MTUS1: variants seen among roughly 807,000 people sequenced by gnomAD.
The protein encoded by MTUS1 is microtubule associated scaffold protein 1.
MTUS1 carries 109 observed loss-of-function variants against 120.8 expected under a neutral mutation model. The observed-to-expected ratio is 0.90, with a 90% confidence interval of 0.77 to 1.06. The LOEUF (loss-of-function observed/expected upper bound fraction) is 1.06. MTUS1 is among the 50% of genes least tolerant of loss of function. The probability of loss-of-function intolerance (pLI) is 0.00; values close to 1 mark genes in which losing one functional copy is unlikely to be tolerated. For synonymous variants in MTUS1, 737 were observed against 550.5 expected (o/e 1.34, Z -4.74); for missense variants, 2,210 against 1,486.3 (o/e 1.49, Z -8.01).
intron 8 of MTUS1, 130 bp from the exon 9 acceptor site, chr8:17,656,195 C>T (rs1391047819): frequency 2.5e-6 from 2 of 784,600 alleles, no homozygotes; most frequent in East Asian, 5.3e-5. Context: ...CTCTAGTGAC[C>T]ATGTCTTCAA....
intron 6 of MTUS1, among the ~76,000 whole-genome samples, chr8:17,701,550 G>A (rs1002581376): frequency 2.0e-5 from 3 of 151,902 alleles, no homozygotes; most frequent in East Asian, 1.9e-4. Context: ...TATGTTCATC[G>A]TAGAATTTTT....
At chr8:17,740,502 G>A (rs1445455750) in intron 3 of MTUS1, among the ~76,000 whole-genome samples, 2 of 152,164 alleles carry the variant, frequency 1.3e-5, no homozygotes, top group African/African-American at 2.4e-5. Flanking sequence ...GGATCACGGG[G>A]ATCTAAAAGC....
At chr8:17,708,308 T>C (rs554276290) in intron 6 of MTUS1, among the ~76,000 whole-genome samples, 8 of 152,310 alleles carry the variant, frequency 5.3e-5, no homozygotes, top group African/African-American at 1.9e-4. Flanking sequence ...TAGACACTTC[T>C]CCAAAGAAGA....
intron 3 of MTUS1, among the ~76,000 whole-genome samples, chr8:17,742,385 G>A (rs916301505): frequency 1.3e-5 from 2 of 150,274 alleles, no homozygotes; most frequent in African/African-American, 4.9e-5. Context: ...AAAGCACTGG[G>A]ATTTCAGGCA....
intron 8 of MTUS1, among the ~76,000 whole-genome samples, chr8:17,667,879 G>A (rs1055886908): frequency 2.0e-5 from 3 of 152,160 alleles, no homozygotes; most frequent in Admixed American, 6.5e-5. Context: ...TGTTAGGGAT[G>A]AGTAGGCACC....
intron 4 of MTUS1, among the ~76,000 whole-genome samples, chr8:17,716,941 A>C (rs1308266862): frequency 6.6e-6 from 1 of 152,164 alleles, no homozygotes; most frequent in African/African-American, 2.4e-5. Context: ...TTTATTACCA[A>C]CTATGATCCC....
chr8:17,737,054 C>T (rs542080324), intron 3 of MTUS1, among the ~76,000 whole-genome samples: 1 of 152,302 alleles, frequency 6.6e-6, no homozygotes, highest in African/African-American at 2.4e-5. Flanking sequence ...CCACATTCTC[C>T]TTCACACATA....
intron 6 of MTUS1, chr8:17,697,423 TG>T (rs757841210): frequency 6.2e-6 from 10 of 1,610,780 alleles, no homozygotes; most frequent in Non-Finnish European, 7.6e-6. Context: ...GCAATTTCCA[TG>T]GACTGTCACA....
rs61999336 is a variant in MTUS1, at chr8:17,654,646, C to A, written c.3129G>T (p.Ala1043=). The change falls in exon 10 of 15, where the codon GCG becomes GCT. Residue 1043 remains alanine (A), a synonymous_variant. Transcript: ENST00000693296. ...CAATTTCCAACTTAGAGGTTTCATGCGCAGCATTTAAGTTGTCAAACTGTA... is the reference window on the plus strand; with the variant it reads ...CAATTTCCAACTTAGAGGTTTCATGAGCAGCATTTAAGTTGTCAAACTGTA... ...LQEQFDNLNA[A]HETSKLEIEA... is the part of the protein sequence containing the mutation. The A allele has an allele frequency of 5.1e-4, 828 of 1,613,612 alleles. No homozygotes were observed. Among genetic ancestry groups the A allele is most frequent in the Non-Finnish European group, 6.8e-4 (802 of 1,179,622 alleles).
At chr8:17,715,953 A>C (rs780498853) in intron 4 of MTUS1, 52 bp from the exon 5 acceptor site, 1 of 1,543,112 alleles carries the variant, frequency 6.5e-7, no homozygotes, top group South Asian at 1.2e-5. Flanking sequence ...CACAGTTTCG[A>C]CCTTCCACAT....
Position 17,754,079 on chromosome 8 carries a change from G to C in MTUS1, c.1729C>G (p.Gln577Glu). 3.1e-6 allele frequency: 5 copies of C among 1,613,978 alleles called. No individual in the cohort carries two copies. The highest frequency in any genetic ancestry group is 4.2e-6 in the Non-Finnish European group (5 of 1,180,004). Residue 577 changes from glutamine (Q) to glutamate (E), a missense_variant, in exon 2 of 15, where the codon CAG (glutamine) becomes GAG (glutamate). Transcript: ENST00000693296. ...CTAGTAATGAGTTTATTAAACTGCT[G>C]CTTATGTGTCTTGTTAATTAGAATT... ...AEILINKTHK[Q>E]QFNKLITSQA...
At chr8:17,690,457 T>A (rs1306165011) in intron 6 of MTUS1, among the ~76,000 whole-genome samples, 1 of 152,102 alleles carries the variant, frequency 6.6e-6, no homozygotes, top group Non-Finnish European at 1.5e-5. Context: ...TAGTACAATC[T>A]CTATGGAAAA....
At chr8:17,654,224 T>G in intron 10 of MTUS1, 1 of 310,204 alleles carries the variant, frequency 3.2e-6, no homozygotes. Context: ...CAGGAGCACT[T>G]GGGGTGGATC....
chr8:17,758,630 A>G (rs189627874), intron 1 of MTUS1, among the ~76,000 whole-genome samples: 1 of 152,368 alleles, frequency 6.6e-6, no homozygotes, highest in Non-Finnish European at 1.5e-5. Context: ...AATTTCCAAA[A>G]GCACTAAATA....
Position 17,680,798 on chromosome 8 carries a change from C to T in MTUS1, c.2838+3530G>A, listed in dbSNP as rs73666305. Among the ~76,000 whole-genome samples, 1,351 of 152,216 alleles carry T rather than the reference C, an allele frequency of 8.9e-3. 46 individuals are homozygous for T. In the East Asian group the frequency reaches 0.094, roughly 11 times the overall value. ...GATAGCAGAGAGTATAGAATGCTCA[C>T]GCCACAAGAGGTGTTCGGGGACTGA... On this transcript the variant is annotated intron_variant, in intron 7 of 14. Coordinates refer to ENST00000693296, the MANE Select transcript of MTUS1 (RefSeq NM_001363059.2).
chr8:17,750,710 G>A (rs1321361481), intron 2 of MTUS1, among the ~76,000 whole-genome samples: 1 of 152,150 alleles, frequency 6.6e-6, no homozygotes, highest in Non-Finnish European at 1.5e-5. Context: ...CCCATTAAAT[G>A]GCATAATATA....
intron 3 of MTUS1, among the ~76,000 whole-genome samples, chr8:17,725,860 C>G (rs887676932): frequency 6.6e-6 from 1 of 152,020 alleles, no homozygotes; most frequent in African/African-American, 2.4e-5. Context: ...CCAATGTGGC[C>G]CAGGGAAGCC....
At chr8:17,779,883 T>G (rs572052259) in intron 1 of MTUS1, among the ~76,000 whole-genome samples, 133 of 152,360 alleles carry the variant, frequency 8.7e-4, no homozygotes, top group South Asian at 1.4e-3. Flanking sequence ...TCTCTAGCAC[T>G]GATCTTTCCC....
intron 1 of MTUS1, among the ~76,000 whole-genome samples, chr8:17,778,993 CA>C (rs1269121075): frequency 1.3e-5 from 2 of 151,800 alleles, no homozygotes; most frequent in Non-Finnish European, 2.9e-5. Context: ...ACAAAATAGA[CA>C]AAAAAATAGA....
Sources: gnomAD v4.1 joint callset for allele counts (sites outside exome capture counted in the v4.1 genomes callset) on GRCh38, gnomAD v4.1.1 for gene constraint, MANE v1.5 for transcripts, NCBI Gene and HGNC (gene_info 2026-07-23, HGNC 2026-07-21) for gene names.